The following KCNIP4 variants were observed in gnomAD, a reference collection of about 807,000 sequenced individuals.
KCNIP4 encodes the protein Kv channel-interacting protein 4.
A neutral mutation model predicts 34.0 loss-of-function variants in KCNIP4; 12 were observed. The observed-to-expected ratio is 0.35, with a 90% confidence interval of 0.23 to 0.57. The LOEUF (loss-of-function observed/expected upper bound fraction) is 0.57, where lower values mean the gene tolerates loss of function less well. Among genes scored for constraint, KCNIP4 ranks in the 20% least tolerant of loss-of-function variants. KCNIP4 has a pLI of 0.83. For synonymous variants in KCNIP4, 124 were observed against 102.2 expected, an observed-to-expected ratio of 1.21 and a Z score of -1.29; for missense variants, 238 against 311.7, an observed-to-expected ratio of 0.76 and a Z score of 1.78.
At chr4:21,257,755 AAAAAAAAAAAG>A (rs201381387) in intron 1 of KCNIP4, among the ~76,000 whole-genome samples, 38,353 of 143,072 alleles carry the variant, frequency 0.27, 8,065 homozygotes, top group African/African-American at 0.6. Context: ...GTCTCAAAAA[AAAAAAAAAAAG>A]AAAGAAAGAA....
chr4:21,812,903 T>G (rs1436333451), intron 1 of KCNIP4, among the ~76,000 whole-genome samples: 1 of 152,122 alleles, frequency 6.6e-6, no homozygotes, highest in African/African-American at 2.4e-5. Flanking sequence ...GGATATAGGA[T>G]TCCTATGCCA....
intron 1 of KCNIP4, among the ~76,000 whole-genome samples, chr4:21,354,895 C>G (rs910846164): frequency 3.9e-5 from 6 of 152,016 alleles, no homozygotes; most frequent in Admixed American, 1.3e-4. Flanking sequence ...CACATAGTTG[C>G]AAGTAAAGCA....
intron 1 of KCNIP4, among the ~76,000 whole-genome samples, chr4:21,792,026 A>C (rs1577995417): frequency 3.3e-5 from 4 of 122,778 alleles, no homozygotes; most frequent in East Asian, 5.5e-4. Flanking sequence ...AAAAAAAAAA[A>C]AAACCTACCT....
At chr4:21,419,928 T>G (rs1205998921) in intron 1 of KCNIP4, among the ~76,000 whole-genome samples, 1 of 152,200 alleles carries the variant, frequency 6.6e-6, no homozygotes, top group Non-Finnish European at 1.5e-5. Context: ...AATGCTGATT[T>G]TAATTCTGAA....
Position 20,803,112 on chromosome 4 carries a change from G to A in KCNIP4, c.289-44222C>T, listed in dbSNP as rs986138348. On this transcript the variant is annotated intron_variant, in intron 3 of 8. Coordinates refer to ENST00000382152, the MANE Select transcript of KCNIP4 (RefSeq NM_025221.6). ...AAAAAAAAAAAATCTTGAGATAAATGACAATGAAATTACAACATACCAAAA... is the reference window on the plus strand; with the variant it reads ...AAAAAAAAAAAATCTTGAGATAAATAACAATGAAATTACAACATACCAAAA... Among the ~76,000 whole-genome samples the A allele has an allele frequency of 8.6e-5, 12 of 140,100 alleles. No homozygotes were observed. In the East Asian group the frequency reaches 2.5e-3, roughly 30 times the overall value. The allele number at this position is 140,100 out of a possible 152,430, so 91.9% of individuals were successfully genotyped here. A position where few individuals can be genotyped will look rare whatever the true frequency, so the allele number is the denominator to read the frequency against.
At chr4:21,336,875 C>G (rs1716230292) in intron 1 of KCNIP4, among the ~76,000 whole-genome samples, 1 of 151,972 alleles carries the variant, frequency 6.6e-6, no homozygotes, top group Non-Finnish European at 1.5e-5. Flanking sequence ...CACACATACG[C>G]AACTTTAACA....
chr4:21,857,180 A>G (rs1235586879), intron 1 of KCNIP4, among the ~76,000 whole-genome samples: 2 of 152,218 alleles, frequency 1.3e-5, no homozygotes, highest in African/African-American at 2.4e-5. Context: ...ACATGAACCA[A>G]TCAGCATACA....
At chr4:21,826,570 T>A (rs973232224) in intron 1 of KCNIP4, among the ~76,000 whole-genome samples, 1 of 152,086 alleles carries the variant, frequency 6.6e-6, no homozygotes, top group African/African-American at 2.4e-5. Context: ...TAATCAAAAA[T>A]TTTTAAACGG....
chr4:21,283,303 G>T (rs186176527), intron 1 of KCNIP4, among the ~76,000 whole-genome samples: 1 of 152,102 alleles, frequency 6.6e-6, no homozygotes, highest in African/African-American at 2.4e-5. Flanking sequence ...TATTTAAAAT[G>T]GGTGAATCTT....
intron 1 of KCNIP4, among the ~76,000 whole-genome samples, chr4:21,360,266 A>T (rs1293891654): frequency 1.3e-5 from 2 of 152,148 alleles, no homozygotes; most frequent in Non-Finnish European, 2.9e-5. Context: ...TAATTTTGAT[A>T]AATTATCCAT....
At chr4:21,144,620 T>C (rs1752217840) in intron 1 of KCNIP4, among the ~76,000 whole-genome samples, 1 of 152,192 alleles carries the variant, frequency 6.6e-6, no homozygotes, top group Admixed American at 6.5e-5. Context: ...AAGCTACTAC[T>C]ACTTCCGTTG....
chr4:21,093,945 G>A (rs996552887), intron 1 of KCNIP4, among the ~76,000 whole-genome samples: 15 of 152,130 alleles, frequency 9.9e-5, no homozygotes, highest in Admixed American at 6.5e-4. Flanking sequence ...AGCCAGGCGT[G>A]GTGGCGGGCG....
intron 1 of KCNIP4, among the ~76,000 whole-genome samples, chr4:21,343,092 T>C (rs1000979950): frequency 1.3e-5 from 2 of 152,118 alleles, no homozygotes; most frequent in African/African-American, 4.8e-5. Context: ...AAAGGGTTTA[T>C]GAAAGATGGA....
At chr4:21,492,696 C>G (rs5022624) in intron 1 of KCNIP4, among the ~76,000 whole-genome samples, 8,719 of 152,184 alleles carry the variant, frequency 0.057, 623 homozygotes, top group African/African-American at 0.16. Context: ...TTCTTTGAAG[C>G]GTATTTCTTC....
intron 1 of KCNIP4, among the ~76,000 whole-genome samples, chr4:20,926,730 CAT>C (rs369321860): frequency 7.2e-5 from 11 of 152,182 alleles, no homozygotes; most frequent in African/African-American, 2.4e-4. Context: ...TGAGTTTCCA[CAT>C]GAGTCACTCC....
chr4:20,787,851 C>T (rs926235950), intron 3 of KCNIP4, among the ~76,000 whole-genome samples: 1 of 151,960 alleles, frequency 6.6e-6, no homozygotes, highest in Admixed American at 6.6e-5. Context: ...CTTTTTAAAG[C>T]AACCATGTCT....
chr4:20,883,016 T>C (rs1724887785), intron 1 of KCNIP4, among the ~76,000 whole-genome samples: 1 of 151,142 alleles, frequency 6.6e-6, no homozygotes, highest in South Asian at 2.1e-4. Flanking sequence ...TGGTTTTTTT[T>C]TTTTTTTTTT....
intron 1 of KCNIP4, among the ~76,000 whole-genome samples, chr4:21,836,694 C>A (rs360697): frequency 0.76 from 115,791 of 152,042 alleles, 47,148 homozygotes; most frequent in East Asian, 0.9. Flanking sequence ...AAAATCCAGT[C>A]TTGCTATTTT....
At chr4:20,835,411 A>T (rs2149463600) in intron 3 of KCNIP4, among the ~76,000 whole-genome samples, 1 of 152,210 alleles carries the variant, frequency 6.6e-6, no homozygotes, top group Admixed American at 6.5e-5. Flanking sequence ...GTGACCTCGG[A>T]GAGGTCACTT....
Sources: allele counts gnomAD v4.1 joint callset (sites outside exome capture counted in the v4.1 genomes callset), GRCh38; gene constraint gnomAD v4.1.1; transcripts MANE v1.5; gene names NCBI Gene and HGNC (gene_info 2026-07-23, HGNC 2026-07-21).